The following BCAS3 variants were observed in gnomAD, a reference collection of about 807,000 sequenced individuals.
The protein encoded by BCAS3 is BCAS4/BCAS3 fusion.
Under a neutral mutation model 116.1 loss-of-function variants are expected in BCAS3, and 53 were observed. That is an observed-to-expected ratio of 0.46 (90% CI 0.37 to 0.57). The LOEUF is 0.57. Among genes scored for constraint, BCAS3 ranks in the 20% least tolerant of loss-of-function variants. The probability of loss-of-function intolerance (pLI) is 0.00; values close to 1 mark genes in which losing one functional copy is unlikely to be tolerated. For missense variants in BCAS3, 917 were observed against 1,165.4 expected, an observed-to-expected ratio of 0.79 and a Z score of 3.10; for synonymous variants, 391 against 408.2, an observed-to-expected ratio of 0.96 and a Z score of 0.51.
chr17:61,289,129 C>A (rs566127555), intron 22 of BCAS3, among the ~76,000 whole-genome samples: 2 of 152,298 alleles, frequency 1.3e-5, no homozygotes, highest in South Asian at 4.1e-4. Flanking sequence ...ATCTTTCTAA[C>A]CATATTCTGG....
chr17:60,997,420 G>T (rs184225791), intron 15 of BCAS3, among the ~76,000 whole-genome samples: 2 of 152,290 alleles, frequency 1.3e-5, no homozygotes, highest in African/African-American at 4.8e-5. Flanking sequence ...ATTGATGTAA[G>T]GGGAAGCAGG....
chr17:60,819,960 T>G (rs1209166468), intron 7 of BCAS3, among the ~76,000 whole-genome samples: 2 of 151,914 alleles, frequency 1.3e-5, no homozygotes, highest in Non-Finnish European at 2.9e-5. Context: ...GAGATAACCC[T>G]TAGTAAAGCC....
chr17:61,116,932 A>G (rs2075500445), intron 22 of BCAS3, among the ~76,000 whole-genome samples: 2 of 151,812 alleles, frequency 1.3e-5, no homozygotes, highest in Admixed American at 1.3e-4. Flanking sequence ...TTTGTCTTTC[A>G]TTTTCAGAAG....
In BCAS3 at chr17:61,235,700, T is replaced by TA. The variant is rs35888828; in HGVS notation, c.2426-132613dup. On this transcript the variant is annotated intron_variant, in intron 22 of 23. Coordinates refer to ENST00000407086, the MANE Select transcript of BCAS3 (RefSeq NM_017679.5). The surrounding 1 kb of genome is among the most constrained non-coding windows in gnomAD (Gnocchi z 5.0). Reference sequence around the variant, plus strand: ...TTGGAAAGAAGACTTTTGAATTGTTTAAAAAAAAAAAAAAGGAGAAGAAGG... The same window carrying TA: ...TTGGAAAGAAGACTTTTGAATTGTTTAAAAAAAAAAAAAAAGGAGAAGAAGG... Among the ~76,000 whole-genome samples, 126,830 of 142,538 alleles carry TA rather than the reference T, an allele frequency of 0.89. 56,369 individuals are homozygous for TA. The highest frequency in any genetic ancestry group is 0.94 in the Admixed American group (13,462 of 14,252). The allele number at this position is 142,538 out of a possible 152,430, so 93.5% of individuals were successfully genotyped here.
At chr17:61,179,345 A>G (rs2079338629) in intron 22 of BCAS3, among the ~76,000 whole-genome samples, 1 of 147,490 alleles carries the variant, frequency 6.8e-6, no homozygotes, top group African/African-American at 2.5e-5. Flanking sequence ...CAGTGCATGG[A>G]TAGAAAAATT....
chr17:61,388,653 C>T lies in BCAS3; in HGVS notation c.2594-3324C>T. 1 of 1,544,416 alleles carries T rather than the reference C, an allele frequency of 6.5e-7. No individual in the cohort carries two copies. Among genetic ancestry groups the T allele is most frequent in the Non-Finnish European group, 8.7e-7 (1 of 1,152,292 alleles). On this transcript the variant is annotated intron_variant, in intron 23 of 23. Coordinates refer to ENST00000407086, the MANE Select transcript of BCAS3 (RefSeq NM_017679.5). The surrounding 1 kb of genome is among the most constrained non-coding windows in gnomAD (Gnocchi z 6.5). ...AGGAAAAAAAAAACAATGCCAACAG[C>T]CCAGCGTCCGTGAGCAACCCAACAG...
At chr17:60,888,612 GT>G (rs1303634119) in intron 9 of BCAS3, among the ~76,000 whole-genome samples, 2 of 151,966 alleles carry the variant, frequency 1.3e-5, no homozygotes, top group Non-Finnish European at 2.9e-5. Flanking sequence ...TTTTTAGTGT[GT>G]TTTTGTCCTA....
intron 22 of BCAS3, among the ~76,000 whole-genome samples, chr17:61,236,791 G>A (rs2144477259): frequency 6.6e-6 from 1 of 151,976 alleles, no homozygotes; most frequent in East Asian, 1.9e-4. Context: ...TTTTGGAGAA[G>A]GTATGATTTG....
rs972423740 is a variant in BCAS3, at chr17:61,217,224, A to C, written c.2425+132660A>C. Among the ~76,000 whole-genome samples the C allele has an allele frequency of 1.3e-5, 2 of 152,220 alleles. No individual in the cohort carries two copies. Among genetic ancestry groups the C allele is most frequent in the Non-Finnish European group, 2.9e-5 (2 of 68,042 alleles). On this transcript the variant is annotated intron_variant, in intron 22 of 23. Transcript: ENST00000407086. This position sits in a 1 kb window ranked among gnomAD's most constrained non-coding sequence, Gnocchi z 5.2. The stretch of plus-strand genomic sequence containing the variant: ...CTTGAACCCAGGAGGCGGAGGTTGC[A>C]GTGAGCTGAGATCGTGCCACTGCAC...
In BCAS3 at chr17:61,377,114, G is replaced by A. The variant is rs1281768466; in HGVS notation, c.2593+8620G>A. On this transcript the variant is annotated intron_variant, in intron 23 of 23. Transcript: ENST00000407086. This position sits in a 1 kb window ranked among gnomAD's most constrained non-coding sequence, Gnocchi z 4.6. ...CCTAGCTGAGCTGGACCAAGTGGAA[G>A]TCAGGAGTGCTCCCCTGCCCACAGG... Among the ~76,000 whole-genome samples the A allele has an allele frequency of 6.6e-6, 1 of 152,240 alleles. No individual in the cohort carries two copies. Among genetic ancestry groups the A allele is most frequent in the Non-Finnish European group, 1.5e-5 (1 of 68,054 alleles).
chr17:61,040,114 ATG>A (rs2067387630), intron 18 of BCAS3, among the ~76,000 whole-genome samples: 1 of 152,226 alleles, frequency 6.6e-6, no homozygotes, highest in African/African-American at 2.4e-5. Context: ...CCTGACATGT[ATG>A]GAAGGAAACA....
Position 61,188,221 on chromosome 17 carries a change from G to A in BCAS3, c.2425+103657G>A, listed in dbSNP as rs113994688. 7.7e-4 allele frequency among the ~76,000 whole-genome samples: 118 copies of A among 152,300 alleles called. No individual in the cohort carries two copies. Among genetic ancestry groups the A allele is most frequent in the African/African-American group, 2.7e-3 (113 of 41,574 alleles). Reference sequence around the variant, plus strand: ...CAGTCTCCAACTCTTAAACTAGCAAGTTTTGTTGTTGTTTAACTTTAAGGA... The same window carrying A: ...CAGTCTCCAACTCTTAAACTAGCAAATTTTGTTGTTGTTTAACTTTAAGGA... On this transcript the variant is annotated intron_variant, in intron 22 of 23. Transcript: ENST00000407086. The surrounding 1 kb of genome is among the most constrained non-coding windows in gnomAD (Gnocchi z 4.0).
In BCAS3 at chr17:61,073,836, G is replaced by A. The variant is rs112408622; in HGVS notation, c.2030-1084G>A. Among the ~76,000 whole-genome samples the A allele has an allele frequency of 1.4e-3, 210 of 152,138 alleles. 1 individual carries two copies. The highest frequency in any genetic ancestry group is 4.3e-3 in the African/African-American group (178 of 41,500). ...TGAGTATTAAAATGGTAGGCCAGGC[G>A]TGGTGGTTCATGCCTGTAATCCCAG... On this transcript the variant is annotated intron_variant, in intron 19 of 23. Coordinates refer to ENST00000407086, the MANE Select transcript of BCAS3 (RefSeq NM_017679.5). The surrounding 1 kb of genome is among the most constrained non-coding windows in gnomAD (Gnocchi z 4.6).
At position 61,347,271 on chromosome 17, in the gene BCAS3, G is replaced by A. The variant is rs370220392; in HGVS notation, c.2426-21056G>A. On this transcript the variant is annotated intron_variant, in intron 22 of 23. Coordinates refer to ENST00000407086, the MANE Select transcript of BCAS3 (RefSeq NM_017679.5). This position sits in a 1 kb window ranked among gnomAD's most constrained non-coding sequence, Gnocchi z 4.3. The stretch of plus-strand genomic sequence containing the variant: ...TGATTTTTATATTTTTAGTAGAGAC[G>A]GGGTTACACCGTGTTGGCCAGGCTG... Among the ~76,000 whole-genome samples, 5 of 151,968 alleles carry A rather than the reference G, an allele frequency of 3.3e-5. No homozygotes were observed. The highest frequency in any genetic ancestry group is 7.3e-5 in the African/African-American group (3 of 41,336).
intron 7 of BCAS3, chr17:60,811,456 A>T (rs567055907): frequency 2.4e-5 from 14 of 580,264 alleles, no homozygotes; most frequent in Non-Finnish European, 4.2e-5. Flanking sequence ...AAGTTCTGAG[A>T]CATTAAGCCA....
intron 6 of BCAS3, among the ~76,000 whole-genome samples, chr17:60,772,449 G>A (rs987697957): frequency 2.0e-5 from 3 of 152,152 alleles, no homozygotes; most frequent in African/African-American, 4.8e-5. Context: ...GTAGATTCTG[G>A]ATATTAGCCC....
Position 61,012,682 on chromosome 17 carries a change from C to T in BCAS3, c.1487-3069C>T, listed in dbSNP as rs914141065. Among the ~76,000 whole-genome samples the T allele has an allele frequency of 2.0e-5, 3 of 152,024 alleles. No homozygotes were observed. Among genetic ancestry groups the T allele is most frequent in the Non-Finnish European group, 4.4e-5 (3 of 67,942 alleles). On this transcript the variant is annotated intron_variant, in intron 15 of 23. Transcript: ENST00000407086. This position sits in a 1 kb window ranked among gnomAD's most constrained non-coding sequence, Gnocchi z 4.5. ...CAGATGTGCTGGTTTCAAATGGACT[C>T]TACAGCATAAACACAGGAGCAGGCT...
At chr17:61,247,314 T>C (rs745883559) in intron 22 of BCAS3, among the ~76,000 whole-genome samples, 3 of 152,162 alleles carry the variant, frequency 2.0e-5, no homozygotes, top group Non-Finnish European at 4.4e-5. Context: ...ACTTGAAAAC[T>C]AGTATAATCT....
Position 61,286,649 on chromosome 17 carries a change from C to G in BCAS3, c.2426-81678C>G, listed in dbSNP as rs753501782. Among the ~76,000 whole-genome samples, 1 of 152,128 alleles carries G rather than the reference C, an allele frequency of 6.6e-6. No individual in the cohort carries two copies. The highest frequency in any genetic ancestry group is 6.5e-5 in the Admixed American group (1 of 15,282). ...TGTTAGCAGGGCTAAGTTAAATACTCGCTTTACACCGTTGTGAAGGCAGCT... is the reference window on the plus strand; with the variant it reads ...TGTTAGCAGGGCTAAGTTAAATACTGGCTTTACACCGTTGTGAAGGCAGCT... On this transcript the variant is annotated intron_variant, in intron 22 of 23. Transcript: ENST00000407086. This position sits in a 1 kb window ranked among gnomAD's most constrained non-coding sequence, Gnocchi z 4.8.
Sources: gnomAD v4.1 joint callset for allele counts (sites outside exome capture counted in the v4.1 genomes callset) on GRCh38, gnomAD v4.1.1 for gene constraint, Gnocchi (gnomAD v3.1) non-coding constraint, MANE v1.5 for transcripts, NCBI Gene and HGNC (gene_info 2026-07-23, HGNC 2026-07-21) for gene names.